The following DPP4 variants were observed in gnomAD, a reference collection of about 807,000 sequenced individuals.
DPP4 encodes dipeptidyl peptidase 4, also known as ADCP-2.
A neutral mutation model predicts 122.4 loss-of-function variants in DPP4; 93 were observed. That is an observed-to-expected ratio of 0.76 (90% CI 0.64 to 0.90). DPP4 has a LOEUF of 0.90. Among genes scored for constraint, DPP4 ranks in the 40% least tolerant of loss-of-function variants. The probability of loss-of-function intolerance (pLI) is 0.00; values close to 1 mark genes in which losing one functional copy is unlikely to be tolerated. For missense variants in DPP4, 914 were observed against 907.3 expected, an observed-to-expected ratio of 1.01 and a Z score of -0.09; for synonymous variants, 321 against 302.9, an observed-to-expected ratio of 1.06 and a Z score of -0.62.
At chr2:162,064,088 C>G (rs1684874775) in intron 2 of DPP4, among the ~76,000 whole-genome samples, 1 of 152,152 alleles carries the variant, frequency 6.6e-6, no homozygotes, top group Non-Finnish European at 1.5e-5. Flanking sequence ...TTGAAGTTCT[C>G]TTCTAATGGT....
intron 5 of DPP4, among the ~76,000 whole-genome samples, chr2:162,039,423 G>C (rs1329766767): frequency 6.6e-6 from 1 of 151,960 alleles, no homozygotes; most frequent in East Asian, 1.9e-4. Flanking sequence ...CAGGACCACA[G>C]TGCACCAAAA....
At chr2:162,033,893 T>TAC (rs1553665301) in intron 9 of DPP4, among the ~76,000 whole-genome samples, 37 of 138,552 alleles carry the variant, frequency 2.7e-4, no homozygotes, top group African/African-American at 6.9e-4. Context: ...TATATATATA[T>TAC]ACACACTATA....
chr2:162,040,468 A>G (rs1227974348), intron 5 of DPP4, among the ~76,000 whole-genome samples: 1 of 152,138 alleles, frequency 6.6e-6, no homozygotes, highest in South Asian at 2.1e-4. Flanking sequence ...GTAAGGTTAC[A>G]TATTGTATGA....
chr2:162,017,500 A>C, intron 16 of DPP4: 1 of 203,312 alleles, frequency 4.9e-6, no homozygotes, highest in Non-Finnish European at 9.8e-6. Context: ...CCCCACTCTA[A>C]ATCCGTGATC....
At chr2:162,034,716 T>C (rs1683704428) in intron 9 of DPP4, among the ~76,000 whole-genome samples, 2 of 152,162 alleles carry the variant, frequency 1.3e-5, no homozygotes, top group South Asian at 4.1e-4. Flanking sequence ...AAAATTTACA[T>C]TAGTGCCAAA....
At chr2:161,999,124 A>G (rs1429345751) in intron 23 of DPP4, among the ~76,000 whole-genome samples, 1 of 152,138 alleles carries the variant, frequency 6.6e-6, no homozygotes, top group Non-Finnish European at 1.5e-5. Context: ...AGAAAAAGGC[A>G]GCTGTGTCAC....
chr2:162,051,918 T>G (rs1179842382), intron 2 of DPP4, among the ~76,000 whole-genome samples: 1 of 152,238 alleles, frequency 6.6e-6, no homozygotes, highest in African/African-American at 2.4e-5. Flanking sequence ...ATCTTTGCTA[T>G]GATTTGAAAG....
intron 7 of DPP4, 85 bp downstream of exon 7, chr2:162,038,864 T>A: frequency 8.5e-7 from 1 of 1,176,974 alleles, no homozygotes; most frequent in South Asian, 1.2e-5. Context: ...GTTCCTAAGA[T>A]GTCTGCTTTG....
intron 16 of DPP4, 70 bp downstream of exon 16, chr2:162,018,659 G>C: frequency 6.4e-7 from 1 of 1,561,806 alleles, no homozygotes; most frequent in Non-Finnish European, 8.6e-7. Flanking sequence ...GATTCAAAAG[G>C]AATAGAGGGA....
intron 19 of DPP4, among the ~76,000 whole-genome samples, chr2:162,014,113 C>A (rs796355759): frequency 4.7e-4 from 72 of 152,226 alleles, no homozygotes; most frequent in African/African-American, 1.6e-3. Flanking sequence ...GATGAAAATG[C>A]AGACTTAAGA....
intron 23 of DPP4, among the ~76,000 whole-genome samples, chr2:161,998,340 T>G (rs1347737127): frequency 6.6e-6 from 1 of 152,224 alleles, no homozygotes; most frequent in Non-Finnish European, 1.5e-5. Context: ...GAGTCCTCTT[T>G]GGTGATCCTT....
intron 18 of DPP4, among the ~76,000 whole-genome samples, chr2:162,015,499 T>C (rs1252642912): frequency 1.3e-5 from 2 of 152,244 alleles, no homozygotes; most frequent in African/African-American, 4.8e-5. Flanking sequence ...CATCATTTGA[T>C]CTCTGCTTTG....
intron 18 of DPP4, among the ~76,000 whole-genome samples, chr2:162,016,183 G>T (rs1183898122): frequency 6.6e-6 from 1 of 152,168 alleles, no homozygotes; most frequent in Non-Finnish European, 1.5e-5. Context: ...TAAGCTGTTA[G>T]CCCTTAGTGG....
chr2:162,039,107 T>C (rs766772666), intron 6 of DPP4, 25 bp downstream of exon 6: 33 of 1,612,200 alleles, frequency 2.0e-5, no homozygotes, highest in African/African-American at 2.7e-5. Context: ...GAAAGCCTAA[T>C]AGATTTTATT....
At chr2:162,008,012 C>T (rs1701326149) in intron 22 of DPP4, among the ~76,000 whole-genome samples, 1 of 152,064 alleles carries the variant, frequency 6.6e-6, no homozygotes, top group South Asian at 2.1e-4. Flanking sequence ...TACTCCCTCC[C>T]CTTTGAGAAT....
intron 8 of DPP4, among the ~76,000 whole-genome samples, chr2:162,037,290 A>G (rs1487913269): frequency 6.6e-6 from 1 of 152,186 alleles, no homozygotes; most frequent in African/African-American, 2.4e-5. Flanking sequence ...ACAGCTTTGG[A>G]AAGAGGCCAC....
Position 162,004,537 on chromosome 2 carries a change from A to C in DPP4, c.2052+1208T>G, listed in dbSNP as rs557614858. Among the ~76,000 whole-genome samples the C allele has an allele frequency of 2.6e-5, 4 of 152,104 alleles. No individual in the cohort carries two copies. In the South Asian group the frequency reaches 8.3e-4, roughly 32 times the overall value. On this transcript the variant is annotated intron_variant, in intron 23 of 25. Coordinates refer to ENST00000360534, the MANE Select transcript of DPP4 (RefSeq NM_001935.4). ...ATCTTGACTGAGAAACAGACATGAA[A>C]ACCGTCATACAGCCACTAACACAAA...
chr2:162,065,654 C>T lies in DPP4; in HGVS notation c.94+7745G>A, dbSNP rs1418018083. On this transcript the variant is annotated intron_variant, in intron 2 of 25. Transcript: ENST00000360534. The stretch of plus-strand genomic sequence containing the variant: ...ATGGACACGGAGGTGCACTGCATGC[C>T]TCAGAGCCAGTTTGGGGGCTGAAGG... Among the ~76,000 whole-genome samples, 3 of 152,152 alleles carry T rather than the reference C, an allele frequency of 2.0e-5. No individual in the cohort carries two copies. The East Asian group carries it at 5.8e-4, about 29-fold the overall frequency.
chr2:162,014,531 T>C (rs933099835), intron 18 of DPP4, 66 bp from the exon 19 acceptor site: 25 of 1,162,266 alleles, frequency 2.2e-5, no homozygotes, highest in Non-Finnish European at 2.8e-5. Context: ...TTGTTCCTCA[T>C]GTCCGTCAGT....
Sources: gnomAD v4.1 joint callset for allele counts (sites outside exome capture counted in the v4.1 genomes callset) on GRCh38, gnomAD v4.1.1 for gene constraint, MANE v1.5 for transcripts, NCBI Gene and HGNC (gene_info 2026-07-23, HGNC 2026-07-21) for gene names.